The following SARS1 variants were observed in gnomAD, a reference collection of about 807,000 sequenced individuals.
SARS1 encodes the protein serine--tRNA ligase, cytoplasmic.
A neutral mutation model predicts 63.7 loss-of-function variants in SARS1; 25 were observed. The ratio of observed to expected loss-of-function variants is 0.39; its 90% CI spans 0.29 to 0.55. SARS1 has a LOEUF of 0.55. Among genes scored for constraint, SARS1 ranks in the 20% least tolerant of loss-of-function variants. The pLI, the probability that SARS1 is intolerant of heterozygous loss-of-function variation, is 0.62. For missense variants in SARS1, 417 were observed against 649.7 expected (o/e 0.64, Z 3.89); for synonymous variants, 231 against 243.5 (o/e 0.95, Z 0.48).
At chr1:109,234,783 T>C (rs1345797848) in intron 6 of SARS1, among the ~76,000 whole-genome samples, 1 of 152,148 alleles carries the variant, frequency 6.6e-6, no homozygotes, top group Non-Finnish European at 1.5e-5. Flanking sequence ...TTGGCCAACA[T>C]GGTGAAACCT....
chr1:109,230,896 G>C lies in SARS1; in HGVS notation c.466G>C (p.Glu156Gln). The change falls in exon 5 of 11, where the codon GAG becomes CAG. Residue 156 changes from glutamate to glutamine, a missense_variant. Glu to Gln is a conservative substitution (Grantham distance 29, BLOSUM62 2). Coordinates refer to ENST00000234677, the MANE Select transcript of SARS1 (RefSeq NM_006513.4). Reference protein sequence around the residue: ...SNDEDVDNKVERIWGDCTVRK... With the variant: ...SNDEDVDNKVQRIWGDCTVRK... ...TCCTTAGGATGTGGACAACAAAGTA[G>C]AGAGGATTTGGGGTGATTGTACAGT... The C allele has an allele frequency of 6.2e-7, 1 of 1,604,102 alleles. No individual in the cohort carries two copies. Among genetic ancestry groups the C allele is most frequent in the Non-Finnish European group, 8.5e-7 (1 of 1,174,386 alleles).
Position 109,238,161 on chromosome 1 carries a change from C to G in SARS1, c.*273C>G, listed in dbSNP as rs1026713748. 2 of 443,230 alleles carry G rather than the reference C, an allele frequency of 4.5e-6. No homozygotes were observed. The highest frequency in any genetic ancestry group is 3.9e-5 in the African/African-American group (2 of 51,682). 27.5% of individuals were successfully genotyped at this position (443,230 alleles called of 1,614,324 possible). On this transcript the variant is annotated 3_prime_UTR_variant, in exon 11 of 11. Transcript: ENST00000234677. Reference sequence around the variant, plus strand: ...CAGTCTTCTTCCCCGGGCTTGAACCCCGCCTCTGAGGTTCTCCCTGATATA... The same window carrying G: ...CAGTCTTCTTCCCCGGGCTTGAACCGCGCCTCTGAGGTTCTCCCTGATATA...
At chr1:109,226,487 G>A (rs1256784804) in intron 2 of SARS1, among the ~76,000 whole-genome samples, 1 of 148,832 alleles carries the variant, frequency 6.7e-6, no homozygotes, top group Non-Finnish European at 1.5e-5. Context: ...AAGTAACTAG[G>A]ACTATAGACA....
intron 1 of SARS1, chr1:109,215,366 G>A (rs1204502251): frequency 1.0e-6 from 1 of 985,364 alleles, no homozygotes; most frequent in African/African-American, 1.7e-5. Context: ...AGTGCTAAAT[G>A]ACTTTGAATG....
At chr1:109,230,611 A>C (rs1159751959) in intron 4 of SARS1, among the ~76,000 whole-genome samples, 1 of 152,194 alleles carries the variant, frequency 6.6e-6, no homozygotes, top group Non-Finnish European at 1.5e-5. Context: ...GTTCGAGACC[A>C]GCCTAGGTAA....
At chr1:109,222,004 A>G (rs1557715436) in intron 1 of SARS1, among the ~76,000 whole-genome samples, 3 of 11,112 alleles carry the variant, frequency 2.7e-4, no homozygotes, top group African/African-American at 4.6e-4. Flanking sequence ...ATATATATAT[A>G]TATATATTTT....
chr1:109,226,675 A>ATATATATAT (rs1164050994), intron 2 of SARS1, among the ~76,000 whole-genome samples: 15 of 32,422 alleles, frequency 4.6e-4, no homozygotes, highest in East Asian at 2.1e-3. Flanking sequence ...AAAAAAAAAA[A>ATATATATAT]AAATATATAT....
At chr1:109,221,972 A>G (rs1277926) in intron 1 of SARS1, among the ~76,000 whole-genome samples, 481 of 5,488 alleles carry the variant, frequency 0.088, 6 homozygotes, top group African/African-American at 0.11. Flanking sequence ...GTGTGTGTGT[A>G]TATATATATA....
intron 2 of SARS1, 87 bp downstream of exon 2, chr1:109,224,135 C>T (rs1194870343): frequency 3.0e-6 from 3 of 999,290 alleles, no homozygotes; most frequent in East Asian, 4.8e-5. Context: ...GAAGTTCTAA[C>T]TCAGTGTTTA....
intron 1 of SARS1, among the ~76,000 whole-genome samples, chr1:109,221,549 A>G (rs1654929631): frequency 6.6e-6 from 1 of 152,220 alleles, no homozygotes; most frequent in Admixed American, 6.5e-5. Context: ...TTGATTGTGT[A>G]TGCAGAATCT....
At chr1:109,230,856 C>G in intron 4 of SARS1, 22 bp from the exon 5 acceptor site, 3 of 1,583,918 alleles carry the variant, frequency 1.9e-6, no homozygotes, top group Non-Finnish European at 2.6e-6. Context: ...TTGTATGTCT[C>G]TTTCTTGCTC....
intron 1 of SARS1, among the ~76,000 whole-genome samples, chr1:109,222,252 A>G (rs1319914411): frequency 6.6e-6 from 1 of 151,790 alleles, no homozygotes; most frequent in Non-Finnish European, 1.5e-5. Flanking sequence ...AGGAAGTTGG[A>G]AAAATAGTAG....
chr1:109,215,296 C>T lies in SARS1; in HGVS notation c.136+1168C>T, dbSNP rs560846980. On this transcript the variant is annotated intron_variant, in intron 1 of 10. Transcript: ENST00000234677. ...GTTTAGGATAAAACTAGCCTGAGCA[C>T]TGTTCTACTGAATCTGAAGTCAGGA... 4 of 985,466 alleles carry T rather than the reference C, an allele frequency of 4.1e-6. No homozygotes were observed. In the Admixed American group the frequency reaches 2.5e-4, roughly 61 times the overall value. The allele number at this position is 985,466 out of a possible 1,614,324, so 61.0% of individuals were successfully genotyped here.
rs138598293 is a variant in SARS1 at position 109,224,034 on chromosome 1, G to A, written c.193G>A (p.Gly65Arg). ...KLKNLCSKTI[G>R]EKMKKKEPVG... Reference sequence around the variant, plus strand: ...GAAGAACCTATGCAGCAAGACAATCGGAGAGAAAATGAAGGTAAGAGAACT... The same window carrying A: ...GAAGAACCTATGCAGCAAGACAATCAGAGAGAAAATGAAGGTAAGAGAACT... Residue 65 changes from glycine to arginine, a missense_variant, in exon 2 of 11, where the codon GGA becomes AGA. By Grantham distance (125) the Gly-to-Arg change is moderately radical. This residue lies in a region of SARS1 where 359 missense variants were observed against 529.6 expected (regional missense o/e 0.68). Coordinates refer to ENST00000234677, the MANE Select transcript of SARS1 (RefSeq NM_006513.4). 3.7e-6 allele frequency: 6 copies of A among 1,612,826 alleles called. No homozygotes were observed. The highest frequency in any genetic ancestry group is 2.7e-5 in the African/African-American group (2 of 74,890).
chr1:109,236,749 C>T (rs1032312149), intron 9 of SARS1: 3 of 1,547,068 alleles, frequency 1.9e-6, no homozygotes, highest in East Asian at 2.4e-5. Flanking sequence ...ATCTAGCTCT[C>T]TTCTATAAGG....
chr1:109,219,978 G>A (rs768064573), intron 1 of SARS1, among the ~76,000 whole-genome samples: 1 of 152,114 alleles, frequency 6.6e-6, no homozygotes, highest in African/African-American at 2.4e-5. Flanking sequence ...GGTTGTTACC[G>A]GTTGAGGGCA....
At chr1:109,227,892 C>A (rs1350932662) in intron 2 of SARS1, among the ~76,000 whole-genome samples, 3 of 149,806 alleles carry the variant, frequency 2.0e-5, no homozygotes, top group African/African-American at 4.9e-5. Context: ...TGTACTCTAG[C>A]CTGGGCGACA....
At position 109,224,059 on chromosome 1, in the gene SARS1, T is replaced by C; in HGVS notation, c.207+11T>C. The stretch of plus-strand genomic sequence containing the variant: ...GGAGAGAAAATGAAGGTAAGAGAAC[T>C]GAATAACAAACAGCCATGAGAACTT... On this transcript the variant is annotated intron_variant, in intron 2 of 10. Coordinates refer to ENST00000234677, the MANE Select transcript of SARS1 (RefSeq NM_006513.4). The C allele has an allele frequency of 6.3e-7, 1 of 1,597,566 alleles. No individual in the cohort carries two copies. Among genetic ancestry groups the C allele is most frequent in the Non-Finnish European group, 8.6e-7 (1 of 1,165,008 alleles).
chr1:109,225,020 A>G (rs1378259896), intron 2 of SARS1, among the ~76,000 whole-genome samples: 1 of 152,178 alleles, frequency 6.6e-6, no homozygotes, highest in Non-Finnish European at 1.5e-5. Context: ...TGGGAGGATC[A>G]CTTGAGGCCA....
Sources: gnomAD v4.1 joint callset for allele counts (sites outside exome capture counted in the v4.1 genomes callset) on GRCh38, gnomAD v4.1.1 for gene constraint, gnomAD v4.1.1 regional missense constraint, MANE v1.5 for transcripts, NCBI Gene and HGNC (gene_info 2026-07-23, HGNC 2026-07-21) for gene names.